OSBPL9: variants seen among roughly 807,000 people sequenced by gnomAD.
OSBPL9 encodes the protein oxysterol-binding protein-related protein 9.
OSBPL9 carries 40 observed loss-of-function variants against 106.6 expected under a neutral mutation model. That is an observed-to-expected ratio of 0.38 (90% confidence interval 0.29 to 0.49). The LOEUF (loss-of-function observed/expected upper bound fraction) is 0.49. Among genes scored for constraint, OSBPL9 ranks in the 20% least tolerant of loss-of-function variants. The pLI is 0.97. For missense variants in OSBPL9, 609 were observed against 887.2 expected (o/e 0.69, Z 3.98); for synonymous variants, 269 against 295.4 (o/e 0.91, Z 0.92).
intron 1 of OSBPL9, among the ~76,000 whole-genome samples, chr1:51,645,418 A>G (rs1344645699): frequency 6.6e-6 from 1 of 151,574 alleles, no homozygotes; most frequent in East Asian, 1.9e-4. Flanking sequence ...TATGATTTGC[A>G]AATATTTTCT....
chr1:51,573,233 G>A (rs554865865), upstream of OSBPL9, among the ~76,000 whole-genome samples: 1 of 151,358 alleles, frequency 6.6e-6, no homozygotes, highest in East Asian at 1.9e-4. Flanking sequence ...AAAAGGTCGG[G>A]TGCAGTGGCT....
At chr1:51,546,234 C>T in the OSBPL9 span, among the ~76,000 whole-genome samples, 1 of 152,182 alleles carries the variant, frequency 6.6e-6, no homozygotes, top group East Asian at 1.9e-4. Flanking sequence ...CCAGGCTGGT[C>T]TCGAATTCCT....
chr1:51,653,981 G>A (rs1388153339), intron 2 of OSBPL9, among the ~76,000 whole-genome samples: 1 of 149,272 alleles, frequency 6.7e-6, no homozygotes, highest in African/African-American at 2.5e-5. Context: ...CAGCCTGGGT[G>A]ACAGAGTGAG....
the OSBPL9 span, among the ~76,000 whole-genome samples, chr1:51,555,729 G>A: frequency 1.9e-4 from 29 of 151,588 alleles, no homozygotes; most frequent in Non-Finnish European, 1.2e-4. Context: ...CACCATGCCC[G>A]GCTAATTTTT....
intron 1 of OSBPL9, among the ~76,000 whole-genome samples, chr1:51,597,398 A>G (rs1269396443): frequency 1.4e-5 from 2 of 145,012 alleles, no homozygotes; most frequent in African/African-American, 2.6e-5. Context: ...AGTCCTATGG[A>G]ATATATGTGT....
intron 13 of OSBPL9, 84 bp downstream of exon 13, chr1:51,772,266 C>G: frequency 8.9e-7 from 1 of 1,124,306 alleles, no homozygotes; most frequent in Non-Finnish European, 1.3e-6. Flanking sequence ...AATCCCAGCA[C>G]TTTGGGAGAC....
At chr1:51,630,708 C>T (rs566094400) in intron 1 of OSBPL9, among the ~76,000 whole-genome samples, 1 of 152,246 alleles carries the variant, frequency 6.6e-6, no homozygotes, top group Admixed American at 6.5e-5. Context: ...AAATTTCTTT[C>T]TTCAATAAAT....
intron 22 of OSBPL9, 87 bp from the exon 23 acceptor site, chr1:51,787,266 G>A: frequency 2.2e-6 from 3 of 1,334,424 alleles, no homozygotes; most frequent in Non-Finnish European, 3.2e-6. Context: ...AGCACTTAAA[G>A]CCATTTGACT....
At chr1:51,786,081 C>T in intron 21 of OSBPL9, 195 bp downstream of exon 21, 1 of 577,544 alleles carries the variant, frequency 1.7e-6, no homozygotes, top group Non-Finnish European at 3.0e-6. Context: ...CACCTTCTCC[C>T]AGCAGTATAG....
chr1:51,647,619 A>C (rs890663723), intron 1 of OSBPL9, among the ~76,000 whole-genome samples: 1 of 151,810 alleles, frequency 6.6e-6, no homozygotes, highest in East Asian at 1.9e-4. Context: ...TTCTTTAGTC[A>C]GTTTTGGCAG....
the OSBPL9 span, chr1:51,519,051 C>G: frequency 2.2e-6 from 1 of 451,404 alleles, no homozygotes; most frequent in South Asian, 7.1e-5. Flanking sequence ...CGCAGTCGCA[C>G]CCGCTTTCCC....
Position 51,624,402 on chromosome 1 carries a change from A to G in OSBPL9, c.111+7181A>G, listed in dbSNP as rs939992072. Among the ~76,000 whole-genome samples the G allele has an allele frequency of 2.6e-5, 4 of 151,986 alleles. No homozygotes were observed. The South Asian group carries it at 6.2e-4, about 24-fold the overall frequency. On this transcript the variant is annotated intron_variant, in intron 1 of 23. Coordinates refer to ENST00000428468, the MANE Select transcript of OSBPL9 (RefSeq NM_024586.6). ...CAGGAGTTCAAGACAAGCCTGACCA[A>G]CATGGTAAAACCCCGTCTGTACTAA...
At chr1:51,679,875 G>A (rs1219954422) in intron 3 of OSBPL9, among the ~76,000 whole-genome samples, 2 of 152,082 alleles carry the variant, frequency 1.3e-5, no homozygotes, top group African/African-American at 4.8e-5. Context: ...TAATCTTACT[G>A]TGCCTTATTT....
At chr1:51,697,410 A>G (rs1220698559) in intron 3 of OSBPL9, among the ~76,000 whole-genome samples, 1 of 150,640 alleles carries the variant, frequency 6.6e-6, no homozygotes, top group African/African-American at 2.4e-5. Context: ...TTATTTCACA[A>G]TAACTTTCAG....
chr1:51,773,392 C>A (rs1674367970), intron 14 of OSBPL9, among the ~76,000 whole-genome samples: 1 of 152,190 alleles, frequency 6.6e-6, no homozygotes. Context: ...CCCCTCCTTT[C>A]ACTTAATTCT....
intron 2 of OSBPL9, chr1:51,598,303 CAG>C (rs1261870846): frequency 6.6e-6 from 1 of 152,244 alleles, no homozygotes; most frequent in East Asian, 1.9e-4. Flanking sequence ...GAGAACAAGG[CAG>C]AGGGAGATAA....
At chr1:51,518,541 G>T in the OSBPL9 span, 1 of 152,966 alleles carries the variant, frequency 6.5e-6, no homozygotes, top group East Asian at 1.9e-4. Context: ...GATCAGGAGG[G>T]GGGAGAGGCT....
At position 51,772,160 on chromosome 1, in the gene OSBPL9, G is replaced by T. The variant is rs752721001; in HGVS notation, c.1029G>T (p.Leu343Phe). ...PDTTESLNSS[L>F]SNGTSDADLF... Reference sequence around the variant, plus strand: ...CCACAGAATCACTTAATTCTTCCTTGTCCAATGGAACAAGTGATGCTGGTA... The same window carrying T: ...CCACAGAATCACTTAATTCTTCCTTTTCCAATGGAACAAGTGATGCTGGTA... Residue 343 changes from leucine (L) to phenylalanine (F), a missense_variant, in exon 13 of 24, where the codon TTG becomes TTT. Transcript: ENST00000428468. The T allele has an allele frequency of 5.0e-6, 8 of 1,612,912 alleles. No individual in the cohort carries two copies. The highest frequency in any genetic ancestry group is 4.5e-5 in the East Asian group (2 of 44,866).
intron 1 of OSBPL9, among the ~76,000 whole-genome samples, chr1:51,636,791 AAAATAAATAAAT>A (rs546021685): frequency 2.6e-5 from 4 of 151,684 alleles, no homozygotes; most frequent in Non-Finnish European, 5.9e-5. Flanking sequence ...CTCTACTTTA[AAAATAAATAAAT>A]AAATAAATAA....
Sources: allele counts gnomAD v4.1 joint callset (sites outside exome capture counted in the v4.1 genomes callset), GRCh38; gene constraint gnomAD v4.1.1; transcripts MANE v1.5; gene names NCBI Gene and HGNC (gene_info 2026-07-23, HGNC 2026-07-21).